The following MCF2L variants were observed in gnomAD, a reference collection of about 807,000 sequenced individuals.
MCF2L encodes MCF.2 cell line derived transforming sequence like, also known as guanine nucleotide exchange factor DBS.
A neutral mutation model predicts 153.4 loss-of-function variants in MCF2L; 97 were observed. The ratio of observed to expected loss-of-function variants is 0.63; its 90% CI spans 0.54 to 0.75. MCF2L has a LOEUF of 0.75. Ranked by LOEUF, MCF2L falls within the 30% of genes least tolerant of loss-of-function variation. MCF2L has a pLI of 0.00. For missense variants in MCF2L, 1,347 were observed against 1,495.2 expected (o/e 0.90, Z 1.64); for synonymous variants, 659 against 632.2 (o/e 1.04, Z -0.64).
At chr13:113,022,122 G>A (rs905996688) in intron 2 of MCF2L, among the ~76,000 whole-genome samples, 1 of 152,132 alleles carries the variant, frequency 6.6e-6, no homozygotes. Context: ...GGTCTCTGTG[G>A]TTCCAGTGAG....
chr13:112,937,989 C>G (rs1486280404), intron 2 of MCF2L, among the ~76,000 whole-genome samples: 1 of 7,420 alleles, frequency 1.3e-4, no homozygotes, highest in Non-Finnish European at 3.1e-4. Context: ...CAGGTGAGCG[C>G]TAATTGGTTG....
chr13:112,963,381 C>T (rs2081856071), intron 2 of MCF2L, among the ~76,000 whole-genome samples: 1 of 152,222 alleles, frequency 6.6e-6, no homozygotes, highest in South Asian at 2.1e-4. Context: ...GGTGGAGGGT[C>T]ACTGAGCCTC....
intron 15 of MCF2L, among the ~76,000 whole-genome samples, chr13:113,079,895 AGGCAGGGGAGTGTTCG>A (rs2033937314): frequency 7.9e-5 from 12 of 152,212 alleles, no homozygotes; most frequent in South Asian, 2.1e-4. Context: ...AGGAGGGTCC[AGGCAGGGGAGTGTTCG>A]TATGGAGGAG....
chr13:112,907,510 C>A lies in MCF2L; in HGVS notation c.169+5139C>A, dbSNP rs565328543. Among the ~76,000 whole-genome samples the A allele has an allele frequency of 7.2e-5, 11 of 152,180 alleles. No homozygotes were observed. In the East Asian group the frequency reaches 2.1e-3, roughly 30 times the overall value. The stretch of plus-strand genomic sequence containing the variant: ...GCGGCTTGGTGGAGAATGGCTGAAT[C>A]CTGGCAACTGTGGCCTTTGCAGGGG... On this transcript the variant is annotated intron_variant, in intron 2 of 29. Transcript: ENST00000375608. The surrounding 1 kb of genome is among the most constrained non-coding windows in gnomAD (Gnocchi z 5.1).
At chr13:113,081,041 C>T (rs941237835) in intron 15 of MCF2L, among the ~76,000 whole-genome samples, 172 bp from the exon 16 acceptor site, 1 of 152,210 alleles carries the variant, frequency 6.6e-6, no homozygotes, top group African/African-American at 2.4e-5. Flanking sequence ...TCTGAGGCCG[C>T]GAGCTGGGAG....
chr13:113,059,011 T>C (rs908936021), intron 4 of MCF2L, among the ~76,000 whole-genome samples: 1 of 95,586 alleles, frequency 1.0e-5, no homozygotes, highest in African/African-American at 4.2e-5. Context: ...GGGTGCTGAG[T>C]GGGTGCTGAG....
At chr13:112,972,301 G>A (rs915186747) in intron 1 of MCF2L, among the ~76,000 whole-genome samples, 7 of 133,158 alleles carry the variant, frequency 5.3e-5, no homozygotes, top group Non-Finnish European at 1.2e-4. Context: ...GAATGGATGT[G>A]TGGGTGGGTG....
intron 8 of MCF2L, among the ~76,000 whole-genome samples, chr13:113,066,537 G>A (rs1048122151): frequency 2.0e-5 from 3 of 152,218 alleles, no homozygotes; most frequent in Non-Finnish European, 4.4e-5. Context: ...AAAGCCTGGG[G>A]TTCTCCTTGC....
chr13:112,958,504 C>T (rs993478565), intron 2 of MCF2L, among the ~76,000 whole-genome samples: 4 of 152,296 alleles, frequency 2.6e-5, no homozygotes, highest in Admixed American at 2.0e-4. Flanking sequence ...CAGCCCCCGA[C>T]GAGGGTGGGA....
Position 113,027,341 on chromosome 13 carries a change from G to A in MCF2L, c.278+2583G>A, listed in dbSNP as rs902104854. On this transcript the variant is annotated intron_variant, in intron 3 of 29. Transcript: ENST00000535094. The surrounding 1 kb of genome is among the most constrained non-coding windows in gnomAD (Gnocchi z 4.8). ...TGCCTCAAGGAGAGGGAGAGCGGTGGGCACCTCTGTCCACTTGGCGGGTTG... is the reference window on the plus strand; with the variant it reads ...TGCCTCAAGGAGAGGGAGAGCGGTGAGCACCTCTGTCCACTTGGCGGGTTG... Among the ~76,000 whole-genome samples, 7 of 152,000 alleles carry A rather than the reference G, an allele frequency of 4.6e-5. No homozygotes were observed. Among genetic ancestry groups the A allele is most frequent in the African/African-American group, 1.7e-4 (7 of 41,376 alleles).
chr13:113,076,260 T>G (rs1490926823), intron 12 of MCF2L, 103 bp downstream of exon 12: 5 of 839,624 alleles, frequency 6.0e-6, no homozygotes, highest in Non-Finnish European at 8.4e-6. Context: ...TATTTGTATT[T>G]ATTTATTATT....
chr13:112,948,755 G>T (rs77431527), intron 2 of MCF2L, among the ~76,000 whole-genome samples: 2,672 of 152,258 alleles, frequency 0.018, 41 homozygotes, highest in Non-Finnish European at 0.028. Flanking sequence ...GGAAATAACT[G>T]AAATCAATGA....
At chr13:113,002,853 A>T (rs1384004697) in intron 1 of MCF2L, among the ~76,000 whole-genome samples, 2 of 152,196 alleles carry the variant, frequency 1.3e-5, no homozygotes, top group South Asian at 4.1e-4. Context: ...CAATGAATGA[A>T]CATCTAAAGT....
chr13:112,985,466 G>A (rs2082598400), intron 1 of MCF2L: 2 of 470,968 alleles, frequency 4.2e-6, no homozygotes, highest in Non-Finnish European at 4.4e-6. Flanking sequence ...CCTGGCTGCT[G>A]TCCGTGGCTG....
chr13:113,019,628 G>T (rs931393636), intron 2 of MCF2L, among the ~76,000 whole-genome samples: 9 of 152,220 alleles, frequency 5.9e-5, no homozygotes, highest in African/African-American at 1.9e-4. Flanking sequence ...GAATCCGATG[G>T]TTTCACGACA....
At chr13:113,051,417 G>A (rs1235656211) in intron 4 of MCF2L, among the ~76,000 whole-genome samples, 1 of 152,214 alleles carries the variant, frequency 6.6e-6, no homozygotes, top group Admixed American at 6.5e-5. Context: ...AGGCTTCCAC[G>A]ACGCTGAGAG....
At position 113,096,784 on chromosome 13, in the gene MCF2L, G is replaced by A. The variant is rs1290568488; in HGVS notation, c.3303G>A (p.Pro1101=). ...CTGATCTCCCCGCAGAGTCGAGCCCGGGGTCGGCCGTGCTGAGCAACTCGT... is the reference window on the plus strand; with the variant it reads ...CTGATCTCCCCGCAGAGTCGAGCCCAGGGTCGGCCGTGCTGAGCAACTCGT... ...AQCLSSSESS[P]GSAVLSNSSS... is the part of the protein sequence containing the mutation. The change falls in exon 30 of 30, where the codon CCG becomes CCA. Residue 1101 remains proline (P), a synonymous_variant. Coordinates refer to ENST00000535094, the MANE Select transcript of MCF2L (RefSeq NM_001112732.3). The A allele has an allele frequency of 1.9e-6, 3 of 1,567,376 alleles. No homozygotes were observed. Among genetic ancestry groups the A allele is most frequent in the Admixed American group, 1.7e-5 (1 of 57,234 alleles).
At chr13:113,084,315 GACCTCCTGTACCCCAGA>G (rs1401786709) in intron 18 of MCF2L, among the ~76,000 whole-genome samples, 1 of 32,542 alleles carries the variant, frequency 3.1e-5, no homozygotes. Flanking sequence ...TGTACCCCAG[GACCTCCTGTACCCCAGA>G]ACCTCCTGAA....
chr13:112,917,112 AG>A (rs2081300710), intron 2 of MCF2L: 2 of 471,146 alleles, frequency 4.2e-6, no homozygotes, highest in Non-Finnish European at 8.8e-6. Flanking sequence ...ATCTGTACTC[AG>A]CCCCTCGGCG....
Sources: allele counts gnomAD v4.1 joint callset (sites outside exome capture counted in the v4.1 genomes callset), GRCh38; gene constraint gnomAD v4.1.1; non-coding constraint Gnocchi (gnomAD v3.1); transcripts MANE v1.5; gene names NCBI Gene and HGNC (gene_info 2026-07-23, HGNC 2026-07-21).